Variants in LMF1 observed in about 807,000 individuals in gnomAD.
LMF1 encodes lipase maturation factor 1.
In LMF1, 68 loss-of-function variants were observed where a neutral mutation model predicts 60.6. The observed-to-expected ratio is 1.12, with a 90% CI of 0.92 to 1.37. The LOEUF is 1.37. Among genes scored for constraint, LMF1 ranks in the 40% most tolerant of loss-of-function variants. The pLI is 0.00. For synonymous variants in LMF1, 418 were observed against 324.7 expected (o/e 1.29, Z -3.09); for missense variants, 948 against 767.2 (o/e 1.24, Z -2.78).
At position 869,807 on chromosome 16, in the gene LMF1, T is replaced by C. The variant is rs566106292; in HGVS notation, c.1416+76A>G. 15 of 1,475,020 alleles carry C rather than the reference T, an allele frequency of 1.0e-5. No homozygotes were observed. In the African/African-American group the frequency reaches 2.1e-4, roughly 20 times the overall value. 91.4% of individuals were successfully genotyped at this position (1,475,020 alleles called of 1,614,324 possible). ...CCACCAGCCCCTTCAGTGGGCGTTC[T>C]AGAAACCTGCCATCTATGGGCAGAA... On this transcript the variant is annotated intron_variant, in intron 9 of 10. Coordinates refer to ENST00000262301, the MANE Select transcript of LMF1 (RefSeq NM_022773.4).
At position 883,739 on chromosome 16, in the gene LMF1, C is replaced by G. The variant is rs948488892; in HGVS notation, c.730-4002G>C. 3.3e-5 allele frequency: 5 copies of G among 152,116 alleles called. No individual in the cohort carries two copies. In the East Asian group the frequency reaches 7.7e-4, roughly 23 times the overall value. 9.4% of individuals were successfully genotyped at this position (152,116 alleles called of 1,614,324 possible). A position where few individuals can be genotyped will look rare whatever the true frequency, so the allele number is the denominator to read the frequency against. The stretch of plus-strand genomic sequence containing the variant: ...AAACCTATAGATTCAAGCAACTCAG[C>G]GAACTCCAAGCACAAAAAATATGAG... On this transcript the variant is annotated intron_variant, in intron 5 of 10. Coordinates refer to ENST00000262301, the MANE Select transcript of LMF1 (RefSeq NM_022773.4).
chr16:890,448 C>T (rs989205784), intron 5 of LMF1, among the ~76,000 whole-genome samples: 14 of 152,186 alleles, frequency 9.2e-5, no homozygotes, highest in African/African-American at 3.1e-4. Context: ...CAGCTGCTGC[C>T]AGAGCCTCAC....
intron 3 of LMF1, among the ~76,000 whole-genome samples, chr16:915,922 G>A (rs2071268182): frequency 6.6e-6 from 1 of 152,150 alleles, no homozygotes; most frequent in African/African-American, 2.4e-5. Context: ...TCAGCAGCTG[G>A]GGCAGGTGAC....
intron 3 of LMF1, among the ~76,000 whole-genome samples, chr16:920,608 TG>T (rs1357174424): frequency 1.3e-5 from 2 of 152,106 alleles, no homozygotes; most frequent in Non-Finnish European, 2.9e-5. Context: ...CAGGAGCTCG[TG>T]GAAGGCAGGG....
intron 3 of LMF1, among the ~76,000 whole-genome samples, chr16:924,047 G>A (rs943062092): frequency 1.3e-5 from 2 of 152,136 alleles, no homozygotes; most frequent in African/African-American, 2.4e-5. Context: ...AGTTACTATA[G>A]TTCACTATTT....
chr16:934,622 C>T (rs1028915870), intron 2 of LMF1: 21 of 310,658 alleles, frequency 6.8e-5, no homozygotes, highest in African/African-American at 4.4e-4. Flanking sequence ...CACATGACCT[C>T]GAGCGCAGCT....
chr16:963,642 C>T (rs1013287492), intron 1 of LMF1, among the ~76,000 whole-genome samples: 1 of 152,028 alleles, frequency 6.6e-6, no homozygotes, highest in Non-Finnish European at 1.5e-5. Context: ...AGGCTGGGGC[C>T]CCTTTCCCAC....
upstream of LMF1, chr16:971,103 G>A (rs1246664167): frequency 5.6e-6 from 6 of 1,066,304 alleles, no homozygotes; most frequent in Non-Finnish European, 6.2e-6. Context: ...CACCCCGGGA[G>A]GCCCCGCTCA....
intron 3 of LMF1, chr16:933,800 G>T: frequency 2.3e-6 from 1 of 435,734 alleles, no homozygotes; most frequent in Non-Finnish European, 4.0e-6. Flanking sequence ...AGTATTGACT[G>T]CGTTGTGTGG....
chr16:912,548 G>A (rs962831489), intron 3 of LMF1, among the ~76,000 whole-genome samples: 8 of 152,318 alleles, frequency 5.3e-5, no homozygotes, highest in East Asian at 1.9e-4. Context: ...TGGAGGCAGC[G>A]CGACCCTGGT....
intron 2 of LMF1, among the ~76,000 whole-genome samples, chr16:937,412 C>T (rs761010905): frequency 2.0e-5 from 3 of 152,212 alleles, no homozygotes; most frequent in Non-Finnish European, 4.4e-5. Context: ...CACGCTCCCT[C>T]TGACTGCCTA....
chr16:856,369 C>T (rs1159428547), intron 10 of LMF1, among the ~76,000 whole-genome samples: 1 of 152,180 alleles, frequency 6.6e-6, no homozygotes, highest in Non-Finnish European at 1.5e-5. Context: ...AAGGGACGGG[C>T]TGGAATGCGG....
At chr16:867,540 G>A (rs2069645194) in intron 10 of LMF1, among the ~76,000 whole-genome samples, 1 of 152,168 alleles carries the variant, frequency 6.6e-6, no homozygotes. Context: ...CTGGGGCCTG[G>A]TCCCCAGTGA....
intron 3 of LMF1, among the ~76,000 whole-genome samples, chr16:931,984 G>C (rs1464005349): frequency 2.0e-5 from 3 of 152,226 alleles, no homozygotes; most frequent in Non-Finnish European, 4.4e-5. Context: ...TGACTTCCCT[G>C]GGCTGGGAGC....
At position 871,239 on chromosome 16, in the gene LMF1, A is replaced by G; in HGVS notation, c.1000T>C (p.Ser334Pro). Reference protein sequence around the residue: ...DDATLGFLFPSGPGSLKDRVL... With the variant: ...DDATLGFLFPPGPGSLKDRVL... ...CGGTCCTTCAGGCTGCCTGGCCCAG[A>G]GGGGAACAAGAATCCCAGGGTGGCG... The change falls in exon 7 of 11, where the codon TCT becomes CCT. Residue 334 changes from serine (S) to proline (P), a missense_variant. Coordinates refer to ENST00000262301, the MANE Select transcript of LMF1 (RefSeq NM_022773.4). 9 of 1,612,286 alleles carry G rather than the reference A, an allele frequency of 5.6e-6. No individual in the cohort carries two copies. The highest frequency in any genetic ancestry group is 7.6e-6 in the Non-Finnish European group (9 of 1,179,724).
intron 6 of LMF1, among the ~76,000 whole-genome samples, chr16:876,229 A>C (rs2069969027): frequency 6.6e-6 from 1 of 152,354 alleles, no homozygotes; most frequent in African/African-American, 2.4e-5. Context: ...GCAGGAGCCC[A>C]CGCGCGGCCG....
chr16:913,109 C>T (rs2071168003), intron 3 of LMF1, among the ~76,000 whole-genome samples: 1 of 152,242 alleles, frequency 6.6e-6, no homozygotes, highest in Non-Finnish European at 1.5e-5. Flanking sequence ...CACGCGCTGC[C>T]TGCTGGGCGC....
Position 897,320 on chromosome 16 carries a change from CCT to C in LMF1, c.664-4250_664-4249del, listed in dbSNP as rs759415131. ...GCCATCCACCCTGCAGCGACAGCCC[CCT>C]GTGTACCCTTGCACAGTGGCTCAGG... On this transcript the variant is annotated intron_variant, in intron 4 of 10. Transcript: ENST00000262301. The surrounding 1 kb of genome is among the most constrained non-coding windows in gnomAD (Gnocchi z 4.3). 2.0e-5 allele frequency among the ~76,000 whole-genome samples: 3 copies of C among 152,236 alleles called. No homozygotes were observed. Among genetic ancestry groups the C allele is most frequent in the Admixed American group, 6.5e-5 (1 of 15,286 alleles).
chr16:974,860 G>A (rs12918843), upstream of LMF1, among the ~76,000 whole-genome samples: 26,967 of 152,274 alleles, frequency 0.18, 2,639 homozygotes, highest in South Asian at 0.33. Flanking sequence ...GTGTGGGCCC[G>A]AAGATAATCG....
Sources: gnomAD v4.1 joint callset for allele counts (sites outside exome capture counted in the v4.1 genomes callset) on GRCh38, gnomAD v4.1.1 for gene constraint, Gnocchi (gnomAD v3.1) non-coding constraint, MANE v1.5 for transcripts, NCBI Gene and HGNC (gene_info 2026-07-23, HGNC 2026-07-21) for gene names.